CROCC2: variants seen among roughly 807,000 people sequenced by gnomAD.
CROCC2 encodes the protein ciliary rootlet coiled-coil, rootletin family member 2.
A neutral mutation model predicts 177.6 loss-of-function variants in CROCC2; 163 were observed. That is an observed-to-expected ratio of 0.92 (90% CI 0.81 to 1.05). CROCC2 has a LOEUF of 1.05. CROCC2 is among the 50% of genes least tolerant of loss of function. The pLI, the probability that CROCC2 is intolerant of heterozygous loss-of-function variation, is 0.00. For missense variants in CROCC2, 1,929 were observed against 1,797.8 expected (o/e 1.07, Z -1.32); for synonymous variants, 904 against 787.3 (o/e 1.15, Z -2.48).
intron 19 of CROCC2, chr2:240,959,036 G>A: frequency 2.4e-6 from 1 of 422,274 alleles, no homozygotes; most frequent in East Asian, 4.3e-5. Flanking sequence ...GGCGCAGGCT[G>A]AGCTGAGGGG....
At chr2:240,964,675 G>T (rs1273090566) in intron 22 of CROCC2, 50 bp downstream of exon 22, 1 of 1,527,224 alleles carries the variant, frequency 6.5e-7, no homozygotes, top group Non-Finnish European at 8.8e-7. Context: ...CTCCCGCCTG[G>T]TGGGTCCCGG....
At position 240,964,517 on chromosome 2, in the gene CROCC2, G is replaced by C; in HGVS notation, c.3357G>C (p.Glu1119Asp). The stretch of plus-strand genomic sequence containing the variant: ...AGCAGAAGCTGCTCATCCTGGAGGA[G>C]GCCCAGGCGGCGTTGCAGCAGGAGG... ...EKEQKLLILE[E>D]AQAALQQEAS... The change falls in exon 22 of 32, where the codon GAG becomes GAC. Residue 1119 changes from glutamate to aspartate, a missense_variant. Physicochemically the swap from Glu to Asp is conservative, Grantham distance 45. Around this residue, in one of 3 missense-constraint regions of CROCC2, gnomAD observed 1,397 missense variants for 1,239.9 expected, o/e 1.13. Coordinates refer to ENST00000690015, the MANE Select transcript of CROCC2 (RefSeq NM_001351305.2). The C allele has an allele frequency of 6.5e-7, 1 of 1,549,284 alleles. No individual in the cohort carries two copies. Among genetic ancestry groups the C allele is most frequent in the Non-Finnish European group, 8.7e-7 (1 of 1,146,880 alleles).
Position 240,935,356 on chromosome 2 carries a change from A to G in CROCC2, c.1939-2A>G. On this transcript the variant is annotated splice_acceptor_variant, in intron 13 of 31. Transcript: ENST00000690015. LOFTEE classifies it high-confidence loss of function. ...TGCAGAGCCCCCGACACCTGGTGGC[A>G]GCTGGAGCAGGAGCGGGACCAGCTG... 1 of 1,355,234 alleles carries G rather than the reference A, an allele frequency of 7.4e-7. No individual in the cohort carries two copies. Among genetic ancestry groups the G allele is most frequent in the East Asian group, 3.0e-5 (1 of 33,894 alleles). The allele number at this position is 1,355,234 out of a possible 1,614,324, so 84.0% of individuals were successfully genotyped here.
chr2:240,941,296 A>G lies in CROCC2; in HGVS notation c.2170-4764A>G, dbSNP rs557426394. On this transcript the variant is annotated intron_variant, in intron 14 of 31. Transcript: ENST00000690015. ...CAAATTCAATGCAATTCCCATCAAA[A>G]TATCATCACCATTCTTCACAGAACT... Among the ~76,000 whole-genome samples, 219 of 152,278 alleles carry G rather than the reference A, an allele frequency of 1.4e-3. 2 individuals carry two copies. Among genetic ancestry groups the G allele is most frequent in the African/African-American group, 4.9e-3 (205 of 41,560 alleles).
intron 19 of CROCC2, chr2:240,957,760 C>A (rs1225099385): frequency 6.4e-6 from 1 of 156,930 alleles, no homozygotes; most frequent in Admixed American, 6.5e-5. Flanking sequence ...CTCCATGAAG[C>A]CCCACCCTGC....
chr2:240,907,077 GC>G (rs2059259900), intron 1 of CROCC2, among the ~76,000 whole-genome samples: 1 of 152,190 alleles, frequency 6.6e-6, no homozygotes, highest in Admixed American at 6.5e-5. Flanking sequence ...TGGGCAGGCA[GC>G]CCTTGGTGCT....
intron 5 of CROCC2, among the ~76,000 whole-genome samples, chr2:240,929,127 T>TG (rs1559593579): frequency 6.6e-6 from 1 of 152,068 alleles, no homozygotes; most frequent in Non-Finnish European, 1.5e-5. Context: ...TGGGCTCAGC[T>TG]GGGGGGAATC....
chr2:240,938,180 C>T (rs6753109), intron 14 of CROCC2, among the ~76,000 whole-genome samples: 48,772 of 152,116 alleles, frequency 0.32, 8,619 homozygotes, highest in Middle Eastern at 0.51. Context: ...ACTCTGTGGG[C>T]GGGGCCCAGA....
chr2:240,964,129 G>A lies in CROCC2; in HGVS notation c.3306-337G>A, dbSNP rs2059660674. 7.5e-6 allele frequency: 4 copies of A among 534,748 alleles called. No homozygotes were observed. The Admixed American group carries it at 1.3e-4, about 17-fold the overall frequency. The allele number at this position is 534,748 out of a possible 1,614,324, so 33.1% of individuals were successfully genotyped here. A position where few individuals can be genotyped will look rare whatever the true frequency, so the allele number is the denominator to read the frequency against. On this transcript the variant is annotated intron_variant, in intron 21 of 31. Coordinates refer to ENST00000690015, the MANE Select transcript of CROCC2 (RefSeq NM_001351305.2). ...AGAAAGGCCCCTGTGGGGCAGCTGG[G>A]CAGGATGGCACAGCCCTCACAGCAG...
chr2:240,965,028 G>A (rs569110504), intron 22 of CROCC2, among the ~76,000 whole-genome samples: 91 of 152,336 alleles, frequency 6.0e-4, no homozygotes, highest in Non-Finnish European at 1.1e-3. Context: ...CTGGCAAGCC[G>A]GGTCCCCCCA....
At position 240,959,533 on chromosome 2, in the gene CROCC2, A is replaced by G. The variant is rs1440742007; in HGVS notation, c.3087+89A>G. On this transcript the variant is annotated intron_variant, in intron 20 of 31. Coordinates refer to ENST00000690015, the MANE Select transcript of CROCC2 (RefSeq NM_001351305.2). ...CAAGAGAGGAGAGAGTGGGGGTGCC[A>G]GGAGGAAAGAGAGGCTGTACCACAG... 7 of 1,439,272 alleles carry G rather than the reference A, an allele frequency of 4.9e-6. No individual in the cohort carries two copies. The East Asian group carries it at 1.0e-4, about 21-fold the overall frequency. The allele number at this position is 1,439,272 out of a possible 1,614,324, so 89.2% of individuals were successfully genotyped here. A position where few individuals can be genotyped will look rare whatever the true frequency, so the allele number is the denominator to read the frequency against.
At chr2:240,915,942 G>C (rs1450251234) in intron 1 of CROCC2, among the ~76,000 whole-genome samples, 1 of 152,202 alleles carries the variant, frequency 6.6e-6, no homozygotes, top group Non-Finnish European at 1.5e-5. Flanking sequence ...AGGCCTTCTA[G>C]AATACAAGCC....
chr2:240,947,344 C>A (rs2059529773), intron 15 of CROCC2, among the ~76,000 whole-genome samples: 1 of 152,192 alleles, frequency 6.6e-6, no homozygotes, highest in Non-Finnish European at 1.5e-5. Flanking sequence ...GGGTCTACTG[C>A]CCAGAACACA....
chr2:240,981,676 G>T (rs950635976), intron 27 of CROCC2: 2 of 152,118 alleles, frequency 1.3e-5, no homozygotes, highest in African/African-American at 4.8e-5. Flanking sequence ...ATTGCACGAA[G>T]GGTGAAGCAT....
rs566700743 is a variant in CROCC2 at position 240,990,012 on chromosome 2, G to A, written c.4863+179G>A. 2.6e-5 allele frequency among the ~76,000 whole-genome samples: 4 copies of A among 152,312 alleles called. No homozygotes were observed. The South Asian group carries it at 6.2e-4, about 24-fold the overall frequency. ...CTGCCTGCACTTCTTTGCTCTCGACGGCACGAGGTTTATCCCACTGGGAGG... is the reference window on the plus strand; with the variant it reads ...CTGCCTGCACTTCTTTGCTCTCGACAGCACGAGGTTTATCCCACTGGGAGG... On this transcript the variant is annotated intron_variant, in intron 30 of 31. Transcript: ENST00000690015.
At chr2:240,986,701 T>C in intron 28 of CROCC2, among the ~76,000 whole-genome samples, 1 of 152,180 alleles carries the variant, frequency 6.6e-6, no homozygotes, top group East Asian at 1.9e-4. Flanking sequence ...GACAGCCCCT[T>C]GTCCCTCTGC....
intron 15 of CROCC2, among the ~76,000 whole-genome samples, chr2:240,946,847 G>A (rs889431132): frequency 2.0e-5 from 3 of 152,254 alleles, no homozygotes; most frequent in Non-Finnish European, 4.4e-5. Flanking sequence ...CTGATCCCAG[G>A]CTTGGGCTGC....
In CROCC2 at chr2:240,953,502, A is replaced by G. The variant is rs990007241; in HGVS notation, c.2830-2357A>G. 6.6e-6 allele frequency among the ~76,000 whole-genome samples: 1 copy of G among 151,896 alleles called. No homozygotes were observed. The highest frequency in any genetic ancestry group is 1.5e-5 in the Non-Finnish European group (1 of 67,994). ...CCTCCCTCCCCTGGACCCACAGCAG[A>G]ACCACAATAAGGGGCACCCCAGGGG... is the stretch of plus-strand genomic sequence containing the variant. On this transcript the variant is annotated intron_variant, in intron 18 of 31. Transcript: ENST00000690015. The surrounding 1 kb of genome is among the most constrained non-coding windows in gnomAD (Gnocchi z 4.0).
At chr2:240,936,299 G>A (rs2059469821) in intron 14 of CROCC2, among the ~76,000 whole-genome samples, 1 of 152,154 alleles carries the variant, frequency 6.6e-6, no homozygotes, top group Non-Finnish European at 1.5e-5. Context: ...GAACATTTTT[G>A]TCAGTCCAGC....
Sources: gnomAD v4.1 joint callset for allele counts (sites outside exome capture counted in the v4.1 genomes callset) on GRCh38, gnomAD v4.1.1 for gene constraint, gnomAD v4.1.1 regional missense constraint, Gnocchi (gnomAD v3.1) non-coding constraint, MANE v1.5 for transcripts, NCBI Gene and HGNC (gene_info 2026-07-23, HGNC 2026-07-21) for gene names.